The following CALCR variants were observed in gnomAD, a reference collection of about 807,000 sequenced individuals.
CALCR encodes calcitonin receptor.
A neutral mutation model predicts 59.5 loss-of-function variants in CALCR; 47 were observed. The ratio of observed to expected loss-of-function variants is 0.79; its 90% CI spans 0.63 to 1.01. The LOEUF (loss-of-function observed/expected upper bound fraction) is 1.01, where lower values mean the gene tolerates loss of function less well. CALCR is among the 50% of genes least tolerant of loss of function. CALCR has a pLI of 0.00. For missense variants in CALCR, 566 were observed against 597.1 expected (o/e 0.95, Z 0.54); for synonymous variants, 213 against 211.3 (o/e 1.01, Z -0.07).
At chr7:93,451,654 C>T (rs1800112138) in intron 8 of CALCR, among the ~76,000 whole-genome samples, 1 of 151,916 alleles carries the variant, frequency 6.6e-6, no homozygotes, top group Non-Finnish European at 1.5e-5. Context: ...CACCAGTCAG[C>T]CTTTGTCCAT....
chr7:93,514,749 C>G (rs1801615469), intron 2 of CALCR, among the ~76,000 whole-genome samples: 1 of 151,920 alleles, frequency 6.6e-6, no homozygotes, highest in Non-Finnish European at 1.5e-5. Context: ...TCCCAATAAA[C>G]TTTATTTTCT....
intron 8 of CALCR, among the ~76,000 whole-genome samples, chr7:93,450,991 T>A (rs1025850536): frequency 2.0e-5 from 3 of 151,940 alleles, no homozygotes. Context: ...TCAGGAGTAA[T>A]CTTTTTCCCC....
At chr7:93,464,978 C>A (rs1274813322) in intron 7 of CALCR, among the ~76,000 whole-genome samples, 1 of 151,892 alleles carries the variant, frequency 6.6e-6, no homozygotes, top group Non-Finnish European at 1.5e-5. Flanking sequence ...TCCATGATTA[C>A]CTATATATGC....
chr7:93,568,509 T>TTCTCTC (rs4015269), intron 2 of CALCR, among the ~76,000 whole-genome samples: 3,722 of 102,040 alleles, frequency 0.036, 241 homozygotes, highest in African/African-American at 0.051. Context: ...TAAAATTACT[T>TTCTCTC]TCTCTCTCTC....
chr7:93,483,411 A>AGATAGAT (rs1464223271), intron 3 of CALCR, among the ~76,000 whole-genome samples: 1 of 13,538 alleles, frequency 7.4e-5, no homozygotes, highest in African/African-American at 2.1e-4. Context: ...CTGACTGTAT[A>AGATAGAT]GATAGATAGA....
rs79939839 is a variant in CALCR at position 93,566,934 on chromosome 7, T to C, written c.-27+7355A>G. On this transcript the variant is annotated intron_variant, in intron 2 of 13. Transcript: ENST00000426151. The stretch of plus-strand genomic sequence containing the variant: ...ACATTAGGAAAATGAGAAGGAAAAA[T>C]GTTTAGTTTAGTTTTGTTTTTCTTG... Among the ~76,000 whole-genome samples the C allele has an allele frequency of 1.2e-3, 189 of 152,160 alleles. 3 individuals carry two copies. In the East Asian group the frequency reaches 0.033, roughly 27 times the overall value.
At chr7:93,480,537 T>G (rs746341730) in intron 3 of CALCR, among the ~76,000 whole-genome samples, 2 of 151,906 alleles carry the variant, frequency 1.3e-5, no homozygotes, top group Non-Finnish European at 2.9e-5. Flanking sequence ...AGTGGTGTTA[T>G]GTACTCTTCT....
intron 8 of CALCR, 84 bp from the exon 9 acceptor site, chr7:93,443,841 A>C: frequency 2.6e-6 from 3 of 1,150,134 alleles, no homozygotes; most frequent in Non-Finnish European, 3.8e-6. Context: ...AAAACAAGCC[A>C]AAGTATCTGC....
chr7:93,513,500 A>G (rs958510823), intron 2 of CALCR, among the ~76,000 whole-genome samples: 1 of 151,938 alleles, frequency 6.6e-6, no homozygotes, highest in Non-Finnish European at 1.5e-5. Flanking sequence ...TTCATTCTTA[A>G]TGTTTCTGTA....
intron 9 of CALCR, among the ~76,000 whole-genome samples, chr7:93,440,863 T>C (rs1406309613): frequency 6.6e-6 from 1 of 152,136 alleles, no homozygotes; most frequent in Admixed American, 6.6e-5. Flanking sequence ...AACTCCCCGT[T>C]CTGTGCTTAC....
At chr7:93,479,292 C>T (rs1800739290) in intron 4 of CALCR, 62 bp downstream of exon 4, 1 of 1,465,888 alleles carries the variant, frequency 6.8e-7, no homozygotes, top group Non-Finnish European at 9.2e-7. Flanking sequence ...CATATTTAAC[C>T]ACAAAAGAAA....
At chr7:93,491,316 T>C (rs896807952) in intron 2 of CALCR, among the ~76,000 whole-genome samples, 1 of 152,040 alleles carries the variant, frequency 6.6e-6, no homozygotes. Flanking sequence ...GAAGAAAACC[T>C]AGGCAATACC....
At chr7:93,520,237 C>T (rs1461181505) in intron 2 of CALCR, among the ~76,000 whole-genome samples, 5 of 151,890 alleles carry the variant, frequency 3.3e-5, no homozygotes, top group Non-Finnish European at 7.4e-5. Flanking sequence ...ATTGAAATTG[C>T]CAAATGAGTT....
At position 93,443,192 on chromosome 7, in the gene CALCR, T is replaced by C. The variant is rs915057383; in HGVS notation, c.802+412A>G. 2.0e-4 allele frequency among the ~76,000 whole-genome samples: 30 copies of C among 152,160 alleles called. 1 individual carries two copies. The highest frequency in any genetic ancestry group is 1.5e-5 in the Non-Finnish European group (1 of 68,012). On this transcript the variant is annotated intron_variant, in intron 9 of 13. Coordinates refer to ENST00000426151, the MANE Select transcript of CALCR (RefSeq NM_001742.4). ...GATGGATTGACAGGAAGAAATGTTC[T>C]TGATGAAGGAAAATGAAGCCAGGGT...
At chr7:93,492,087 T>C (rs1367695857) in intron 2 of CALCR, among the ~76,000 whole-genome samples, 2 of 151,462 alleles carry the variant, frequency 1.3e-5, no homozygotes, top group Non-Finnish European at 3.0e-5. Flanking sequence ...AGGAATGAGC[T>C]CATATCCCTG....
chr7:93,552,851 C>T (rs34858811), intron 2 of CALCR, among the ~76,000 whole-genome samples: 42,890 of 151,988 alleles, frequency 0.28, 7,217 homozygotes, highest in South Asian at 0.38. Context: ...CACTCCTCCC[C>T]GGTAAAAAGG....
chr7:93,495,882 G>C, intron 2 of CALCR: 2 of 1,530,266 alleles, frequency 1.3e-6, no homozygotes, highest in Non-Finnish European at 1.8e-6. Flanking sequence ...ATACTGGTTT[G>C]TATCCACAAA....
chr7:93,429,226 T>G (rs772165038), intron 13 of CALCR, among the ~76,000 whole-genome samples: 1 of 152,298 alleles, frequency 6.6e-6, no homozygotes, highest in African/African-American at 2.4e-5. Context: ...AATTATAGAC[T>G]AATAAGGGCA....
At chr7:93,431,196 T>C (rs1196438918) in intron 13 of CALCR, among the ~76,000 whole-genome samples, 2 of 152,124 alleles carry the variant, frequency 1.3e-5, no homozygotes, top group Non-Finnish European at 2.9e-5. Context: ...TGGGAGTACC[T>C]GGGAAAATGG....
Sources: gnomAD v4.1 joint callset for allele counts (sites outside exome capture counted in the v4.1 genomes callset) on GRCh38, gnomAD v4.1.1 for gene constraint, MANE v1.5 for transcripts, NCBI Gene and HGNC (gene_info 2026-07-23, HGNC 2026-07-21) for gene names.